Variants in ALDH16A1 observed in about 807,000 individuals in gnomAD.
ALDH16A1 encodes the protein aldehyde dehydrogenase 16 family member A1, also known as aldehyde dehydrogenase family 16 member A1.
ALDH16A1 carries 88 observed loss-of-function variants against 96.1 expected under a neutral mutation model. That is an observed-to-expected ratio of 0.92 (90% CI 0.77 to 1.09). ALDH16A1 has a LOEUF of 1.09. Among genes scored for constraint, ALDH16A1 ranks in the 50% least tolerant of loss-of-function variants. ALDH16A1 has a pLI of 0.00. For synonymous variants in ALDH16A1, 522 were observed against 496.4 expected (o/e 1.05, Z -0.69); for missense variants, 1,250 against 1,112.6 (o/e 1.12, Z -1.76).
Position 49,461,978 on chromosome 19 carries a change from C to A in ALDH16A1, c.854C>A (p.Ala285Glu). ...TCGCTGCTGCTGCTGACGGACACGGCGGACGTAGACTCGGCCGTGGAGGGT... is the reference window on the plus strand; with the variant it reads ...TCGCTGCTGCTGCTGACGGACACGGAGGACGTAGACTCGGCCGTGGAGGGT... ...TESLLLLTDT[A>E]DVDSAVEGVV... The change falls in exon 7 of 17, where the codon GCG becomes GAG. Residue 285 changes from alanine (A) to glutamate (E), a missense_variant. Physicochemically the swap from Ala to Glu is moderately radical, Grantham distance 107. Transcript: ENST00000293350. The A allele has an allele frequency of 6.4e-7, 1 of 1,553,912 alleles. No individual in the cohort carries two copies.
chr19:49,460,982 CA>C lies in ALDH16A1; in HGVS notation c.577+85del, dbSNP rs753213053. 7.4e-5 allele frequency: 108 copies of C among 1,452,734 alleles called. No homozygotes were observed. In the South Asian group the frequency reaches 1.2e-3, roughly 16 times the overall value. 90.0% of individuals were successfully genotyped at this position (1,452,734 alleles called of 1,614,324 possible). ...GGCCCAAACTCCAGAGTCTGAGAGA[CA>C]AGGGGGCTGGAGGCCTGGACTCTGT... is the stretch of plus-strand genomic sequence containing the variant. On this transcript the variant is annotated intron_variant, in intron 5 of 16. Coordinates refer to ENST00000293350, the MANE Select transcript of ALDH16A1 (RefSeq NM_153329.4).
In ALDH16A1 at chr19:49,465,912, G is replaced by A; in HGVS notation, c.1736+7G>A. 2 of 1,612,768 alleles carry A rather than the reference G, an allele frequency of 1.2e-6. No homozygotes were observed. Among genetic ancestry groups the A allele is most frequent in the Non-Finnish European group, 1.7e-6 (2 of 1,179,362 alleles). ...CTCACCAGGCTTTCCCTGGGTAAGG[G>A]GTCACACGGGAAAGCCCAAGGGTCA... On this transcript the variant is annotated splice_region_variant and intron_variant, in intron 13 of 16. Coordinates refer to ENST00000293350, the MANE Select transcript of ALDH16A1 (RefSeq NM_153329.4).
rs781377623 is a variant in ALDH16A1, at chr19:49,464,699, A to T, written c.1505A>T (p.Asn502Ile). The T allele has an allele frequency of 6.2e-7, 1 of 1,613,496 alleles. No homozygotes were observed. ...CTGTCCTGCCTCTCCAAGAACCTGA[A>T]CTATGACACCTTTGGCCTCGCTGTT... ...ARLSCLSKNLNYDTFGLAVPS... is the reference protein window; with the variant it reads ...ARLSCLSKNLIYDTFGLAVPS... Residue 502 changes from asparagine to isoleucine, a missense_variant, in exon 12 of 17, where the codon AAC (asparagine) becomes ATC (isoleucine). Coordinates refer to ENST00000293350, the MANE Select transcript of ALDH16A1 (RefSeq NM_153329.4).
Position 49,459,031 on chromosome 19 carries a change from G to T in ALDH16A1, c.265G>T (p.Ala89Ser). 1.9e-6 allele frequency: 3 copies of T among 1,613,432 alleles called. No individual in the cohort carries two copies. Among genetic ancestry groups the T allele is most frequent in the Non-Finnish European group, 2.5e-6 (3 of 1,180,032 alleles). The stretch of plus-strand genomic sequence containing the variant: ...TGCAGCCGTGGAGGCAGCCAGGATG[G>T]CATTTAAGGGCTGGAGTGCGCACCC... ...VAAAVEAARM[A>S]FKGWSAHPGV... Residue 89 changes from alanine to serine, a missense_variant, in exon 3 of 17, where the codon GCA becomes TCA. Ala to Ser is a moderately conservative substitution (Grantham distance 99). Transcript: ENST00000293350. The surrounding 1 kb of genome is among the most constrained non-coding windows in gnomAD (Gnocchi z 4.1).
chr19:49,458,600 C>T lies in ALDH16A1; in HGVS notation c.193+12C>T, dbSNP rs771294295. 6.4e-7 allele frequency: 1 copy of T among 1,552,698 alleles called. No individual in the cohort carries two copies. Among genetic ancestry groups the T allele is most frequent in the South Asian group, 1.2e-5 (1 of 84,320 alleles). On this transcript the variant is annotated intron_variant, in intron 2 of 16. Transcript: ENST00000293350. ...GGATCCCATCACAGGTACGAGATGTCCCCCAGTCATTAGTGGAAGGGAGGT... is the reference window on the plus strand; with the variant it reads ...GGATCCCATCACAGGTACGAGATGTTCCCCAGTCATTAGTGGAAGGGAGGT...
chr19:49,468,033 G>A lies in ALDH16A1; in HGVS notation c.1939-348G>A, dbSNP rs1601043100. On this transcript the variant is annotated intron_variant, in intron 14 of 16. Coordinates refer to ENST00000293350, the MANE Select transcript of ALDH16A1 (RefSeq NM_153329.4). The surrounding 1 kb of genome is among the most constrained non-coding windows in gnomAD (Gnocchi z 4.4). ...AAATTAGCCGGGCATGGTGGCAGGT[G>A]CCTGTAGTCTCAGCTACTCAGGAGA... 6.6e-6 allele frequency among the ~76,000 whole-genome samples: 1 copy of A among 151,580 alleles called. No homozygotes were observed. Among genetic ancestry groups the A allele is most frequent in the Admixed American group, 6.6e-5 (1 of 15,190 alleles).
In ALDH16A1 at chr19:49,465,851, GT is replaced by G; in HGVS notation, c.1683del (p.Gly562GlufsTer65). ...SGNLHGYVAEGGAKDIRGAVE... is the reference protein window; with the variant it reads ...SGNLHGYVAEXGAKDIRGAVE... ...AACCTCCATGGCTACGTGGCTGAGG[GT>G]GGAGCCAAGGACATCCGAGGTGCTG... On this transcript the variant is annotated frameshift_variant, in exon 13 of 17. Coordinates refer to ENST00000293350, the MANE Select transcript of ALDH16A1 (RefSeq NM_153329.4). LOFTEE classifies it high-confidence loss of function. 1 of 1,614,172 alleles carries G rather than the reference GT, an allele frequency of 6.2e-7. No individual in the cohort carries two copies. Among genetic ancestry groups the G allele is most frequent in the Non-Finnish European group, 8.5e-7 (1 of 1,180,018 alleles).
At position 49,461,907 on chromosome 19, in the gene ALDH16A1, C is replaced by G. The variant is rs777987756; in HGVS notation, c.783C>G (p.Ser261Arg). ...AGGAAGGGCGTGCCCTTCGACGGAGCCTGGCGGGAGAGTGTGCGGAGCTGG... is the reference window on the plus strand; with the variant it reads ...AGGAAGGGCGTGCCCTTCGACGGAGGCTGGCGGGAGAGTGTGCGGAGCTGG... ...APEEGRALRR[S>R]LAGECAELGL... The change falls in exon 7 of 17, where the codon AGC becomes AGG. Residue 261 changes from serine to arginine, a missense_variant. Coordinates refer to ENST00000293350, the MANE Select transcript of ALDH16A1 (RefSeq NM_153329.4). 49 of 1,581,752 alleles carry G rather than the reference C, an allele frequency of 3.1e-5. No homozygotes were observed. The highest frequency in any genetic ancestry group is 3.9e-5 in the Non-Finnish European group (46 of 1,164,702).
At position 49,459,962 on chromosome 19, in the gene ALDH16A1, G is replaced by A; in HGVS notation, c.499+114G>A. The A allele has an allele frequency of 1.6e-6, 2 of 1,271,334 alleles. No individual in the cohort carries two copies. The highest frequency in any genetic ancestry group is 1.6e-5 in the South Asian group (1 of 64,322). The allele number at this position is 1,271,334 out of a possible 1,614,324, so 78.8% of individuals were successfully genotyped here. On this transcript the variant is annotated intron_variant, in intron 4 of 16. Transcript: ENST00000293350. The surrounding 1 kb of genome is among the most constrained non-coding windows in gnomAD (Gnocchi z 4.1). The stretch of plus-strand genomic sequence containing the variant: ...TTTCGCTCTTGTCGCCCAGGCCGGA[G>A]TGCAGTGGCGCAATCTTGGCTCACT...
intron 7 of ALDH16A1, 61 bp downstream of exon 7, chr19:49,462,097 C>T: frequency 6.8e-7 from 1 of 1,462,460 alleles, no homozygotes; most frequent in Non-Finnish European, 9.0e-7. Context: ...TGTCTCCAGT[C>T]TTCGGGGTCC....
rs1320303 is a variant in ALDH16A1, at chr19:49,461,720, C to G, written c.679C>G (p.Leu227Val). The G allele has an allele frequency of 0.68, 1,088,920 of 1,608,912 alleles. 377,792 individuals are homozygous for G. Among genetic ancestry groups the G allele is most frequent in the Middle Eastern group, 0.76 (4,628 of 6,052 alleles). The change falls in exon 6 of 17, where the codon CTC (leucine) becomes GTC (valine). Residue 227 changes from leucine (L) to valine (V), a missense_variant. Transcript: ENST00000293350. ...LGPFPGILNV[L>V]SGPASLVPIL... ...CCCCTTCCCGGGAATCCTGAATGTC[C>G]TCAGTGGCCCTGCGTCCCTGGTGCC...
intron 9 of ALDH16A1, 27 bp downstream of exon 9, chr19:49,463,976 C>A: frequency 6.3e-7 from 1 of 1,592,864 alleles, no homozygotes; most frequent in Non-Finnish European, 8.6e-7. Context: ...TGCAGAGCTC[C>A]TACCCACCGC....
rs780187646 is a variant in ALDH16A1 at position 49,468,432 on chromosome 19, C to A, written c.1990C>A (p.Leu664Met). The A allele has an allele frequency of 6.2e-7, 1 of 1,601,206 alleles. No homozygotes were observed. Among genetic ancestry groups the A allele is most frequent in the Non-Finnish European group, 8.5e-7 (1 of 1,179,882 alleles). The change falls in exon 15 of 17, where the codon CTG (leucine) becomes ATG (methionine). Residue 664 changes from leucine (L) to methionine (M), a missense_variant. Leu to Met is a conservative substitution (Grantham distance 15). Coordinates refer to ENST00000293350, the MANE Select transcript of ALDH16A1 (RefSeq NM_153329.4). This position sits in a 1 kb window ranked among gnomAD's most constrained non-coding sequence, Gnocchi z 4.4. ...VLRLREPLGV[L>M]AVVCPDEWPL... ...GCGCCTGCGGGAGCCGCTGGGTGTG[C>A]TGGCTGTGGTGTGTCCGGACGAGTG...
intron 1 of ALDH16A1, among the ~76,000 whole-genome samples, chr19:49,455,115 C>G (rs2079097492): frequency 6.7e-6 from 1 of 148,746 alleles, no homozygotes. Flanking sequence ...AAGACGCTGT[C>G]TCCAAAAAAA....
chr19:49,464,542 G>A lies in ALDH16A1; in HGVS notation c.1437+20G>A, dbSNP rs754273617. The stretch of plus-strand genomic sequence containing the variant: ...CCAGACGTGAGTACATCCCCTCCCC[G>A]TCACCAGCCCCCCCGCCGCCCCATG... On this transcript the variant is annotated intron_variant, in intron 11 of 16. Transcript: ENST00000293350. 1.3e-5 allele frequency: 21 copies of A among 1,612,146 alleles called. No homozygotes were observed. The highest frequency in any genetic ancestry group is 1.7e-4 in the Middle Eastern group (1 of 6,058).
intron 5 of ALDH16A1, among the ~76,000 whole-genome samples, chr19:49,461,121 C>A (rs2079138508): frequency 6.9e-6 from 1 of 145,022 alleles, no homozygotes; most frequent in Non-Finnish European, 1.5e-5. Flanking sequence ...GTCTGGACTC[C>A]TGAGTCTGAG....
rs758438027 is a variant in ALDH16A1, at chr19:49,462,013, G to A, written c.889G>A (p.Ala297Thr). The change falls in exon 7 of 17, where the codon GCC becomes ACC. Residue 297 changes from alanine to threonine, a missense_variant. Transcript: ENST00000293350. Reference protein sequence around the residue: ...VDSAVEGVVDAAWSDRGPGGL... With the variant: ...VDSAVEGVVDTAWSDRGPGGL... The stretch of plus-strand genomic sequence containing the variant: ...CTCGGCCGTGGAGGGTGTCGTGGAC[G>A]CCGCCTGGTCCGACCGCGGCCCGGT... 18 of 1,543,668 alleles carry A rather than the reference G, an allele frequency of 1.2e-5. No individual in the cohort carries two copies. Among genetic ancestry groups the A allele is most frequent in the South Asian group, 7.1e-5 (6 of 84,364 alleles).
rs1480769523 is a variant in ALDH16A1 at position 49,470,797 on chromosome 19, C to T, written c.*330C>T. 3 of 212,036 alleles carry T rather than the reference C, an allele frequency of 1.4e-5. No homozygotes were observed. Among genetic ancestry groups the T allele is most frequent in the Non-Finnish European group, 1.9e-5 (2 of 106,420 alleles). 13.1% of individuals were successfully genotyped at this position (212,036 alleles called of 1,614,324 possible). The stretch of plus-strand genomic sequence containing the variant: ...ATATGTAGCTGGGGCCACAGACATG[C>T]ACCACCACACCTGGCTCGAGGCCAT... On this transcript the variant is annotated 3_prime_UTR_variant, in exon 17 of 17. Coordinates refer to ENST00000293350, the MANE Select transcript of ALDH16A1 (RefSeq NM_153329.4).
At position 49,464,263 on chromosome 19, in the gene ALDH16A1, G is replaced by A. The variant is rs778974292; in HGVS notation, c.1331G>A (p.Gly444Glu). ...RLGQALELGYGLQVGTVWINA... is the reference protein window; with the variant it reads ...RLGQALELGYELQVGTVWINA... ...GGGCAGGCGCTGGAGCTGGGCTATGGGTCAGTCTGCGTGGCCCGGGCGCTC... is the reference window on the plus strand; with the variant it reads ...GGGCAGGCGCTGGAGCTGGGCTATGAGTCAGTCTGCGTGGCCCGGGCGCTC... Residue 444 changes from glycine (G) to glutamate (E), a missense_variant and splice_region_variant, in exon 10 of 17, where the codon GGG becomes GAG. Gly to Glu is a moderately conservative substitution (Grantham distance 98). Transcript: ENST00000293350. 1.2e-6 allele frequency: 2 copies of A among 1,601,484 alleles called. No homozygotes were observed. Among genetic ancestry groups the A allele is most frequent in the Non-Finnish European group, 1.7e-6 (2 of 1,178,846 alleles).
Sources: gnomAD v4.1 joint callset for allele counts (sites outside exome capture counted in the v4.1 genomes callset) on GRCh38, gnomAD v4.1.1 for gene constraint, Gnocchi (gnomAD v3.1) non-coding constraint, MANE v1.5 for transcripts, NCBI Gene and HGNC (gene_info 2026-07-23, HGNC 2026-07-21) for gene names.